The following CADM4 variants were observed in gnomAD, a reference collection of about 807,000 sequenced individuals.
The protein encoded by CADM4 is TSLC1-like 2.
In CADM4, 13 loss-of-function variants were observed where a neutral mutation model predicts 43.9. The observed-to-expected ratio is 0.30, with a 90% CI of 0.19 to 0.47. The LOEUF is 0.47. CADM4 is among the 20% of genes least tolerant of loss of function. CADM4 has a pLI of 1.00. For missense variants in CADM4, 420 were observed against 527.0 expected, an observed-to-expected ratio of 0.80 and a Z score of 1.99; for synonymous variants, 209 against 220.9, an observed-to-expected ratio of 0.95 and a Z score of 0.48.
chr19:43,630,281 CTTTT>C (rs59489315), intron 1 of CADM4, among the ~76,000 whole-genome samples: 4 of 73,432 alleles, frequency 5.4e-5, no homozygotes, highest in East Asian at 3.7e-4. Flanking sequence ...TTTTTCTTTT[CTTTT>C]TTTTTTTTTT....
Position 43,623,520 on chromosome 19 carries a change from A to T in CADM4, c.1058-81T>A. On this transcript the variant is annotated intron_variant, in intron 8 of 8. Transcript: ENST00000222374. This position sits in a 1 kb window ranked among gnomAD's most constrained non-coding sequence, Gnocchi z 4.4. ...TGGACAGAAGTATAAGGGAAGAGGG[A>T]GACAGACAAGACACATGCCAGGCGA... 1 of 846,806 alleles carries T rather than the reference A, an allele frequency of 1.2e-6. No individual in the cohort carries two copies. The highest frequency in any genetic ancestry group is 2.1e-6 in the Non-Finnish European group (1 of 486,788). The allele number at this position is 846,806 out of a possible 1,614,324, so 52.5% of individuals were successfully genotyped here. A position where few individuals can be genotyped will look rare whatever the true frequency, so the allele number is the denominator to read the frequency against.
intron 1 of CADM4, among the ~76,000 whole-genome samples, chr19:43,636,480 C>T (rs1003406725): frequency 2.6e-5 from 4 of 152,270 alleles, no homozygotes; most frequent in African/African-American, 7.2e-5. Context: ...TGGGTGCCCA[C>T]GGAGGAGCCT....
intron 1 of CADM4, among the ~76,000 whole-genome samples, chr19:43,631,755 T>C (rs1242504760): frequency 1.3e-5 from 2 of 152,196 alleles, no homozygotes; most frequent in African/African-American, 4.8e-5. Flanking sequence ...GCAGCCATAT[T>C]GAACCATGAG....
At position 43,639,761 on chromosome 19, in the gene CADM4, C is replaced by T; in HGVS notation, c.30G>A (p.Pro10=). The T allele has an allele frequency of 9.7e-7, 1 of 1,026,944 alleles. No individual in the cohort carries two copies. The allele number at this position is 1,026,944 out of a possible 1,614,324, so 63.6% of individuals were successfully genotyped here. A position where few individuals can be genotyped will look rare whatever the true frequency, so the allele number is the denominator to read the frequency against. The stretch of plus-strand genomic sequence containing the variant: ...CCGCGGCCGCCCACAGCAGCAGCAG[C>T]GGCCACTGGAAGCGCCGGGCCCGGC... MGRARRFQW[P]LLLLWAAAAG... The change falls in exon 1 of 9, where the codon CCG becomes CCA. Residue 10 remains proline, a synonymous_variant. Transcript: ENST00000222374.
At chr19:43,641,246 C>T (rs540416393), upstream of CADM4, among the ~76,000 whole-genome samples, 23 of 152,316 alleles carry the variant, frequency 1.5e-4, no homozygotes, top group Admixed American at 3.9e-4. Flanking sequence ...GGATTACAGG[C>T]GTGAGCCACC....
chr19:43,623,952 T>G lies in CADM4; in HGVS notation c.1057+162A>C, dbSNP rs573853045. On this transcript the variant is annotated intron_variant, in intron 8 of 8. Coordinates refer to ENST00000222374, the MANE Select transcript of CADM4 (RefSeq NM_145296.2). The surrounding 1 kb of genome is among the most constrained non-coding windows in gnomAD (Gnocchi z 4.4). ...CTAAATTCTACCCCTTTTCGAGTAT[T>G]GTGCCGAAAGCCCCGCCCCCTTTGT... Among the ~76,000 whole-genome samples the G allele has an allele frequency of 1.2e-4, 19 of 152,320 alleles. No individual in the cohort carries two copies. In the South Asian group the frequency reaches 3.9e-3, roughly 32 times the overall value.
rs1235811152 is a variant in CADM4 at position 43,627,852 on chromosome 19, C to A, written c.65-62G>T. The A allele has an allele frequency of 1.1e-5, 17 of 1,517,720 alleles. No homozygotes were observed. Among genetic ancestry groups the A allele is most frequent in the Non-Finnish European group, 1.5e-5 (17 of 1,107,594 alleles). 94.0% of individuals were successfully genotyped at this position (1,517,720 alleles called of 1,614,324 possible). ...ACTGAGAGCTGCAATTCAATTTTTTCTTTCTCCCTCTTCCCCATCCAAACC... is the reference window on the plus strand; with the variant it reads ...ACTGAGAGCTGCAATTCAATTTTTTATTTCTCCCTCTTCCCCATCCAAACC... On this transcript the variant is annotated intron_variant, in intron 1 of 8. Transcript: ENST00000222374. The surrounding 1 kb of genome is among the most constrained non-coding windows in gnomAD (Gnocchi z 4.0).
upstream of CADM4, among the ~76,000 whole-genome samples, chr19:43,641,488 A>G (rs1458819860): frequency 6.6e-6 from 1 of 151,780 alleles, no homozygotes; most frequent in African/African-American, 2.4e-5. Flanking sequence ...CCTCAGGACC[A>G]CGGCTCCCAG....
At position 43,627,901 on chromosome 19, in the gene CADM4, T is replaced by C; in HGVS notation, c.65-111A>G. ...CCTCCAATCCCTCTCTTTCCCCTCA[T>C]TCATTCCATTGCACTGAACATTTCC... On this transcript the variant is annotated intron_variant, in intron 1 of 8. Coordinates refer to ENST00000222374, the MANE Select transcript of CADM4 (RefSeq NM_145296.2). This position sits in a 1 kb window ranked among gnomAD's most constrained non-coding sequence, Gnocchi z 4.0. 1 of 1,076,026 alleles carries C rather than the reference T, an allele frequency of 9.3e-7. No homozygotes were observed. The allele number at this position is 1,076,026 out of a possible 1,614,324, so 66.7% of individuals were successfully genotyped here. A position where few individuals can be genotyped will look rare whatever the true frequency, so the allele number is the denominator to read the frequency against.
At chr19:43,629,553 G>C (rs1973585396) in intron 1 of CADM4, among the ~76,000 whole-genome samples, 1 of 152,144 alleles carries the variant, frequency 6.6e-6, no homozygotes, top group African/African-American at 2.4e-5. Flanking sequence ...CCTGTGCTAA[G>C]GGCATTACCC....
intron 1 of CADM4, among the ~76,000 whole-genome samples, chr19:43,639,518 G>C (rs1362598537): frequency 2.0e-5 from 3 of 151,042 alleles, no homozygotes; most frequent in African/African-American, 7.3e-5. Context: ...GCGCGGGTGG[G>C]GGGGCTGCGG....
At chr19:43,636,676 T>A (rs927765616) in intron 1 of CADM4, among the ~76,000 whole-genome samples, 9 of 150,014 alleles carry the variant, frequency 6.0e-5, no homozygotes, top group Non-Finnish European at 1.3e-4. Context: ...TCGCACGACA[T>A]TAACCCAGCC....
intron 1 of CADM4, among the ~76,000 whole-genome samples, chr19:43,638,964 A>G (rs1018018358): frequency 2.0e-5 from 3 of 152,220 alleles, no homozygotes; most frequent in Non-Finnish European, 2.9e-5. Context: ...GAGGAGGCAC[A>G]GCAGAAAGAC....
In CADM4 at chr19:43,626,986, G is replaced by T; in HGVS notation, c.365-68C>A. ...AACGTGGGCTCAAAGCGATCGAGCT[G>T]CCTGTTCCCAGCGACCATAGGGAAC... On this transcript the variant is annotated intron_variant, in intron 3 of 8. Transcript: ENST00000222374. This position sits in a 1 kb window ranked among gnomAD's most constrained non-coding sequence, Gnocchi z 5.9. 6.7e-7 allele frequency: 1 copy of T among 1,503,416 alleles called. No individual in the cohort carries two copies. 93.1% of individuals were successfully genotyped at this position (1,503,416 alleles called of 1,614,324 possible). A position where few individuals can be genotyped will look rare whatever the true frequency, so the allele number is the denominator to read the frequency against.
rs1292549133 is a variant in CADM4, at chr19:43,625,279, T to G, written c.756-29A>C. ...GGTGGGGATAAAGTATAGTGAGAGT[T>G]AGGAACCGAGGTGCCAGCACCCAAT... On this transcript the variant is annotated intron_variant, in intron 6 of 8. Transcript: ENST00000222374. This position sits in a 1 kb window ranked among gnomAD's most constrained non-coding sequence, Gnocchi z 4.5. 2 of 1,591,658 alleles carry G rather than the reference T, an allele frequency of 1.3e-6. No homozygotes were observed. Among genetic ancestry groups the G allele is most frequent in the South Asian group, 1.1e-5 (1 of 89,642 alleles).
chr19:43,622,958 T>G lies in CADM4; in HGVS notation c.*372A>C, dbSNP rs1456334022. 1 of 112,856 alleles carries G rather than the reference T, an allele frequency of 8.9e-6. No individual in the cohort carries two copies. Among genetic ancestry groups the G allele is most frequent in the Non-Finnish European group, 1.6e-5 (1 of 61,528 alleles). The allele number at this position is 112,856 out of a possible 1,614,324, so 7.0% of individuals were successfully genotyped here. ...ACCCCCAAAGAAATCTGTGTTCCCC[T>G]TCCCTGCCCCCCCCACCCTTCCCAG... On this transcript the variant is annotated 3_prime_UTR_variant, in exon 9 of 9. Transcript: ENST00000222374.
chr19:43,624,268 C>T, intron 7 of CADM4, 26 bp from the exon 8 acceptor site: 1 of 1,614,058 alleles, frequency 6.2e-7, no homozygotes, highest in Non-Finnish European at 8.5e-7. Flanking sequence ...GGCACAGGAC[C>T]AGGTCATCAG....
chr19:43,628,840 G>C (rs1380690190), intron 1 of CADM4, among the ~76,000 whole-genome samples: 1 of 152,196 alleles, frequency 6.6e-6, no homozygotes, highest in African/African-American at 2.4e-5. Context: ...ATCGCCAGCT[G>C]TGTGAGTGTG....
intron 1 of CADM4, among the ~76,000 whole-genome samples, 178 bp downstream of exon 1, chr19:43,639,549 C>A (rs1482498728): frequency 1.3e-5 from 2 of 150,556 alleles, no homozygotes; most frequent in African/African-American, 4.9e-5. Flanking sequence ...GGGCCCCGCG[C>A]CCCCTCCCCC....
Sources: gnomAD v4.1 joint callset for allele counts (sites outside exome capture counted in the v4.1 genomes callset) on GRCh38, gnomAD v4.1.1 for gene constraint, Gnocchi (gnomAD v3.1) non-coding constraint, MANE v1.5 for transcripts, NCBI Gene and HGNC (gene_info 2026-07-23, HGNC 2026-07-21) for gene names.